Variants in SEC14L5 observed in about 807,000 individuals in gnomAD.
SEC14L5 encodes the protein SEC14 like lipid binding 5.
Under a neutral mutation model 84.6 loss-of-function variants are expected in SEC14L5, and 96 were observed. That is an observed-to-expected ratio of 1.13 (90% confidence interval 0.96 to 1.34). SEC14L5 has a LOEUF of 1.34. Among genes scored for constraint, SEC14L5 ranks in the 40% most tolerant of loss-of-function variants. SEC14L5 has a pLI of 0.00. For synonymous variants in SEC14L5, 546 were observed against 383.4 expected, an observed-to-expected ratio of 1.42 and a Z score of -4.95; for missense variants, 1,224 against 942.5, an observed-to-expected ratio of 1.30 and a Z score of -3.91.
At chr16:4,986,059 G>A (rs553663737) in intron 2 of SEC14L5, among the ~76,000 whole-genome samples, 12 of 151,692 alleles carry the variant, frequency 7.9e-5, no homozygotes, top group East Asian at 3.9e-4. Context: ...GGGTTGTACC[G>A]TATTACGTTC....
chr16:4,982,714 A>G (rs1025544388), intron 2 of SEC14L5, among the ~76,000 whole-genome samples: 6 of 152,310 alleles, frequency 3.9e-5, no homozygotes, highest in African/African-American at 7.2e-5. Flanking sequence ...AATCCTGGCC[A>G]TCCCTTCTCC....
At chr16:5,006,731 G>A (rs1340854092) in intron 12 of SEC14L5, among the ~76,000 whole-genome samples, 2 of 152,204 alleles carry the variant, frequency 1.3e-5, no homozygotes, top group Admixed American at 6.5e-5. Flanking sequence ...TGTGATGTGC[G>A]GCACACACGA....
rs1488242806 is a variant in SEC14L5 at position 4,997,004 on chromosome 16, G to A, written c.930G>A (p.Leu310=). ...LLQTWQPPAL[L]EEFYAGGWHY... ...AGACCTGGCAACCCCCTGCCCTGCT[G>A]GAGGAGTTCTATGCAGGGGGCTGGC... The change falls in exon 8 of 16, where the codon CTG becomes CTA. Residue 310 remains leucine, a synonymous_variant. Coordinates refer to ENST00000251170, the MANE Select transcript of SEC14L5 (RefSeq NM_014692.2). 2.5e-6 allele frequency: 4 copies of A among 1,613,158 alleles called. No individual in the cohort carries two copies. Among genetic ancestry groups the A allele is most frequent in the South Asian group, 1.1e-5 (1 of 90,884 alleles).
intron 5 of SEC14L5, among the ~76,000 whole-genome samples, 167 bp downstream of exon 5, chr16:4,991,062 T>C (rs2142506684): frequency 6.6e-6 from 1 of 151,372 alleles, no homozygotes; most frequent in South Asian, 2.1e-4. Flanking sequence ...GGATGGAAAG[T>C]AACTGGTCTG....
intron 5 of SEC14L5, among the ~76,000 whole-genome samples, chr16:4,991,494 AG>A (rs1190493848): frequency 6.6e-6 from 1 of 151,402 alleles, no homozygotes; most frequent in Admixed American, 6.6e-5. Context: ...TGATCCTGGG[AG>A]GTTGGGGCTG....
intron 4 of SEC14L5, among the ~76,000 whole-genome samples, chr16:4,988,573 A>G (rs1955520607): frequency 6.6e-6 from 1 of 152,070 alleles, no homozygotes; most frequent in African/African-American, 2.4e-5. Flanking sequence ...GTTAAATCTG[A>G]CAACCCTATC....
rs75805288 is a variant in SEC14L5, at chr16:5,011,762, C to T, written c.1979+489C>T. On this transcript the variant is annotated intron_variant, in intron 15 of 15. Coordinates refer to ENST00000251170, the MANE Select transcript of SEC14L5 (RefSeq NM_014692.2). Reference sequence around the variant, plus strand: ...ACTTTTCCTCTTTGAGCCTCAGGTGCTTCATCCCTTAAATGGGAACCACTG... The same window carrying T: ...ACTTTTCCTCTTTGAGCCTCAGGTGTTTCATCCCTTAAATGGGAACCACTG... Among the ~76,000 whole-genome samples the T allele has an allele frequency of 8.6e-3, 1,307 of 152,266 alleles. 18 individuals carry two copies. Among genetic ancestry groups the T allele is most frequent in the African/African-American group, 0.03 (1,241 of 41,538 alleles).
intron 2 of SEC14L5, among the ~76,000 whole-genome samples, chr16:4,980,225 G>C (rs922586322): frequency 1.6e-4 from 24 of 152,252 alleles, no homozygotes; most frequent in African/African-American, 5.3e-4. Context: ...CAACAATCGT[G>C]AAAGTCCTCT....
intron 2 of SEC14L5, among the ~76,000 whole-genome samples, chr16:4,972,834 T>C (rs928637576): frequency 6.6e-6 from 1 of 152,222 alleles, no homozygotes; most frequent in Non-Finnish European, 1.5e-5. Flanking sequence ...TCTCCATTGG[T>C]TTGCTCTTGT....
chr16:5,017,115 C>G lies in SEC14L5; in HGVS notation c.*2145C>G, dbSNP rs574544457. 6.6e-6 allele frequency: 1 copy of G among 150,376 alleles called. No individual in the cohort carries two copies. The highest frequency in any genetic ancestry group is 1.5e-5 in the Non-Finnish European group (1 of 67,890). The allele number at this position is 150,376 out of a possible 1,614,324, so 9.3% of individuals were successfully genotyped here. On this transcript the variant is annotated 3_prime_UTR_variant, in exon 16 of 16. Coordinates refer to ENST00000251170, the MANE Select transcript of SEC14L5 (RefSeq NM_014692.2). Reference sequence around the variant, plus strand: ...CTGGCAGTCTTTATACATTTATTGTCTAGCCCCAGAGAAGGACACAGAAGC... The same window carrying G: ...CTGGCAGTCTTTATACATTTATTGTGTAGCCCCAGAGAAGGACACAGAAGC...
intron 4 of SEC14L5, 101 bp downstream of exon 4, chr16:4,988,381 A>G (rs1955519020): frequency 1.4e-6 from 2 of 1,424,402 alleles, no homozygotes; most frequent in African/African-American, 1.4e-5. Flanking sequence ...AGCCTCTGCC[A>G]AGCCCTCCCT....
chr16:4,981,642 C>A (rs577671914), intron 2 of SEC14L5, among the ~76,000 whole-genome samples: 3 of 152,286 alleles, frequency 2.0e-5, no homozygotes, highest in Admixed American at 2.0e-4. Context: ...AGCCCAGCTG[C>A]TGAGCAAACG....
chr16:4,975,574 G>T (rs1955330489), intron 2 of SEC14L5, among the ~76,000 whole-genome samples: 1 of 151,662 alleles, frequency 6.6e-6, no homozygotes, highest in Non-Finnish European at 1.5e-5. Flanking sequence ...CTTATTGGTT[G>T]ATGGGCGTTT....
Position 5,003,950 on chromosome 16 carries a change from C to T in SEC14L5, c.1302+377C>T, listed in dbSNP as rs1232511582. 3.3e-5 allele frequency among the ~76,000 whole-genome samples: 5 copies of T among 152,226 alleles called. No individual in the cohort carries two copies. The East Asian group carries it at 5.8e-4, about 18-fold the overall frequency. On this transcript the variant is annotated intron_variant, in intron 11 of 15. Transcript: ENST00000251170. ...CTGAAATATACTCTATATTGTAACC[C>T]GGTGGGTACACGCGTGCATGCACCC...
At chr16:4,993,204 C>G (rs1455248104) in intron 6 of SEC14L5, among the ~76,000 whole-genome samples, 3 of 151,820 alleles carry the variant, frequency 2.0e-5, no homozygotes, top group South Asian at 4.2e-4. Context: ...GCCACCATGT[C>G]TAGATAATTT....
chr16:4,987,068 C>A (rs529520976), intron 2 of SEC14L5, among the ~76,000 whole-genome samples: 1 of 152,260 alleles, frequency 6.6e-6, no homozygotes, highest in East Asian at 1.9e-4. Flanking sequence ...CGAATAGACA[C>A]GAAGAATGCA....
chr16:4,991,249 C>G lies in SEC14L5; in HGVS notation c.474+354C>G, dbSNP rs59461868. Among the ~76,000 whole-genome samples the G allele has an allele frequency of 2.5e-3, 347 of 138,992 alleles. 2 individuals carry two copies. In the East Asian group the frequency reaches 0.033, roughly 13 times the overall value. 91.2% of individuals were successfully genotyped at this position (138,992 alleles called of 152,430 possible). On this transcript the variant is annotated intron_variant, in intron 5 of 15. Coordinates refer to ENST00000251170, the MANE Select transcript of SEC14L5 (RefSeq NM_014692.2). ...ATCCATCCCTGAGTAAAAACCCGTT[C>G]TTGTGATGAAACAGATGAAATTAAC...
At chr16:4,995,411 A>G in intron 6 of SEC14L5, among the ~76,000 whole-genome samples, 1 of 152,162 alleles carries the variant, frequency 6.6e-6, no homozygotes, top group East Asian at 1.9e-4. Flanking sequence ...TGTGGTTCCC[A>G]GGCTGCTAAA....
intron 4 of SEC14L5, among the ~76,000 whole-genome samples, chr16:4,990,501 T>A (rs1955540974): frequency 6.6e-6 from 1 of 152,252 alleles, no homozygotes; most frequent in Admixed American, 6.5e-5. Flanking sequence ...TATGTATGTG[T>A]ATAATATTGA....
Sources: allele counts gnomAD v4.1 joint callset (sites outside exome capture counted in the v4.1 genomes callset), GRCh38; gene constraint gnomAD v4.1.1; transcripts MANE v1.5; gene names NCBI Gene and HGNC (gene_info 2026-07-23, HGNC 2026-07-21).